The following CC2D2A variants were observed in gnomAD, a reference collection of about 807,000 sequenced individuals.
The protein encoded by CC2D2A is coiled-coil and C2 domain containing 2A.
Under a neutral mutation model 212.9 loss-of-function variants are expected in CC2D2A, and 155 were observed. The observed-to-expected ratio is 0.73, with a 90% CI of 0.64 to 0.83. The LOEUF is 0.83. Among genes scored for constraint, CC2D2A ranks in the 40% least tolerant of loss-of-function variants. The probability of loss-of-function intolerance (pLI) is 0.00; values close to 1 mark genes in which losing one functional copy is unlikely to be tolerated. For synonymous variants in CC2D2A, 667 were observed against 686.5 expected, an observed-to-expected ratio of 0.97 and a Z score of 0.44; for missense variants, 1,856 against 1,956.2, an observed-to-expected ratio of 0.95 and a Z score of 0.97.
intron 4 of CC2D2A, among the ~76,000 whole-genome samples, chr4:15,483,433 T>G (rs562720133): frequency 6.6e-6 from 1 of 152,314 alleles, no homozygotes; most frequent in South Asian, 2.1e-4. Context: ...GAAGCAGCCA[T>G]GTGCTTTATG....
At chr4:15,525,937 A>G (rs1357416496) in intron 11 of CC2D2A, among the ~76,000 whole-genome samples, 6 of 152,228 alleles carry the variant, frequency 3.9e-5, no homozygotes, top group Non-Finnish European at 8.8e-5. Flanking sequence ...GAAATACAGC[A>G]TATTCCAGAA....
Position 15,579,998 on chromosome 4 carries a change from C to T in CC2D2A, c.3802C>T (p.Gln1268Ter). ...GTCTCAGGAAGATGAGAAATTACTT[C>T]AAGCAACTGAGAAGTTTCAAGCTGA... is the stretch of plus-strand genomic sequence containing the variant. ...FESQEDEKLL[Q>*]ATEKFQAECA... The change falls in exon 30 of 37, where the codon CAA (glutamine) becomes TAA (stop). Residue 1268 changes from glutamine to a stop codon, truncating the protein, a stop_gained. Coordinates refer to ENST00000424120, the MANE Select transcript of CC2D2A (RefSeq NM_001378615.1). LOFTEE classifies it high-confidence loss of function. The T allele has an allele frequency of 1.9e-6, 3 of 1,613,668 alleles. No individual in the cohort carries two copies. Among genetic ancestry groups the T allele is most frequent in the Non-Finnish European group, 2.5e-6 (3 of 1,179,786 alleles).
At chr4:15,535,410 C>T (rs1011200340) in intron 14 of CC2D2A, among the ~76,000 whole-genome samples, 20 of 151,996 alleles carry the variant, frequency 1.3e-4, no homozygotes, top group African/African-American at 4.3e-4. Context: ...GCATTTTACC[C>T]ATAAGGTCAT....
chr4:15,540,183 T>G (rs1718351610), intron 16 of CC2D2A, among the ~76,000 whole-genome samples: 1 of 152,226 alleles, frequency 6.6e-6, no homozygotes, highest in Non-Finnish European at 1.5e-5. Flanking sequence ...AACCTTTTCC[T>G]TTCCTCAATT....
chr4:15,489,103 C>T (rs1031245825), intron 4 of CC2D2A, among the ~76,000 whole-genome samples: 3 of 152,182 alleles, frequency 2.0e-5, no homozygotes, highest in Admixed American at 6.5e-5. Context: ...TCCATTCATT[C>T]ATGTTAGTTT....
At chr4:15,594,354 A>G (rs1176103319) in intron 33 of CC2D2A, among the ~76,000 whole-genome samples, 1 of 152,116 alleles carries the variant, frequency 6.6e-6, no homozygotes, top group Non-Finnish European at 1.5e-5. Flanking sequence ...ACCCACCCCC[A>G]AACTAAATGG....
chr4:15,548,570 C>CAAAA (rs35130097), intron 17 of CC2D2A, among the ~76,000 whole-genome samples: 2 of 128,728 alleles, frequency 1.6e-5, no homozygotes. Context: ...TTAATTCTGG[C>CAAAA]AAAAAAAAAA....
intron 4 of CC2D2A, among the ~76,000 whole-genome samples, chr4:15,500,107 G>GTGTGTGTGTGTGTGTATA (rs1479141284): frequency 1.8e-5 from 2 of 112,932 alleles, no homozygotes; most frequent in South Asian, 3.1e-4. Flanking sequence ...GTGTGTGTGT[G>GTGTGTGTGTGTGTGTATA]TATATATATA....
chr4:15,559,867 C>T (rs191062562), intron 22 of CC2D2A, among the ~76,000 whole-genome samples: 15 of 152,056 alleles, frequency 9.9e-5, no homozygotes, highest in African/African-American at 3.6e-4. Flanking sequence ...GGCTTTGTCG[C>T]CCAGGCTGAA....
intron 7 of CC2D2A, 88 bp downstream of exon 7, chr4:15,510,328 G>A (rs1716500502): frequency 5.4e-6 from 6 of 1,117,326 alleles, no homozygotes; most frequent in Non-Finnish European, 5.3e-6. Context: ...GGGTGTGGTG[G>A]CTCACGCCTG....
At chr4:15,522,613 A>G (rs1467436059) in intron 11 of CC2D2A, among the ~76,000 whole-genome samples, 1 of 151,924 alleles carries the variant, frequency 6.6e-6, no homozygotes, top group East Asian at 1.9e-4. Flanking sequence ...TTGAGATGAG[A>G]CAATTAAAGA....
At chr4:15,502,240 T>A (rs1475135763) in intron 4 of CC2D2A, among the ~76,000 whole-genome samples, 189 bp from the exon 5 acceptor site, 1 of 152,208 alleles carries the variant, frequency 6.6e-6, no homozygotes, top group Non-Finnish European at 1.5e-5. Context: ...ATCAAAAGGA[T>A]GGTTGTTAGC....
At chr4:15,542,227 T>C (rs1218754411) in intron 17 of CC2D2A, among the ~76,000 whole-genome samples, 1 of 152,236 alleles carries the variant, frequency 6.6e-6, no homozygotes, top group Non-Finnish European at 1.5e-5. Flanking sequence ...GACATCAATA[T>C]GTGGAGGATG....
chr4:15,586,619 ATTAT>A, intron 31 of CC2D2A, among the ~76,000 whole-genome samples: 1 of 152,304 alleles, frequency 6.6e-6, no homozygotes, highest in African/African-American at 2.4e-5. Flanking sequence ...ATGGCAAATT[ATTAT>A]TTATTCAGTA....
At chr4:15,495,234 A>T (rs923834649) in intron 4 of CC2D2A, among the ~76,000 whole-genome samples, 2 of 151,872 alleles carry the variant, frequency 1.3e-5, no homozygotes, top group Non-Finnish European at 2.9e-5. Context: ...TCAGCCTCCC[A>T]TGTAGAGGGG....
chr4:15,563,273 G>A (rs1314083982), intron 23 of CC2D2A, 82 bp from the exon 24 acceptor site: 1 of 1,372,640 alleles, frequency 7.3e-7, no homozygotes, highest in African/African-American at 1.5e-5. Context: ...GCAGGACCAT[G>A]GGGCAGAGTT....
intron 6 of CC2D2A, among the ~76,000 whole-genome samples, chr4:15,503,778 G>T (rs1281450258): frequency 6.6e-6 from 1 of 152,164 alleles, no homozygotes; most frequent in Admixed American, 6.5e-5. Flanking sequence ...CTCAATATGT[G>T]TTCCTCCAGA....
chr4:15,580,112 C>A lies in CC2D2A; in HGVS notation c.3916C>A (p.Pro1306Thr), dbSNP rs1279680836. The A allele has an allele frequency of 6.2e-7, 1 of 1,613,796 alleles. No homozygotes were observed. The highest frequency in any genetic ancestry group is 8.5e-7 in the Non-Finnish European group (1 of 1,179,850). The change falls in exon 30 of 37, where the codon CCT becomes ACT. Residue 1306 changes from proline (P) to threonine (T), a missense_variant. Pro to Thr is a conservative substitution (Grantham distance 38). This residue lies in a region of CC2D2A where 20 missense variants were observed against 46.9 expected (regional missense o/e 0.43). Transcript: ENST00000424120. ...TGTTTTTATCACACGTTATCTCAAACCTTTAAACCCTCCTCAGGAGCTCCT... is the reference window on the plus strand; with the variant it reads ...TGTTTTTATCACACGTTATCTCAAAACTTTAAACCCTCCTCAGGAGCTCCT... Reference protein sequence around the residue: ...KTVFITRYLKPLNPPQELLNV... With the variant: ...KTVFITRYLKTLNPPQELLNV...
chr4:15,561,993 G>A (rs533784763), intron 23 of CC2D2A, among the ~76,000 whole-genome samples: 3 of 152,312 alleles, frequency 2.0e-5, no homozygotes, highest in South Asian at 4.1e-4. Context: ...TATTATATGC[G>A]TAAAGATTAG....
Sources: allele counts gnomAD v4.1 joint callset (sites outside exome capture counted in the v4.1 genomes callset), GRCh38; gene constraint gnomAD v4.1.1; regional missense constraint gnomAD v4.1.1; transcripts MANE v1.5; gene names NCBI Gene and HGNC (gene_info 2026-07-23, HGNC 2026-07-21).